The following ZC3H6 variants were observed in gnomAD, a reference collection of about 807,000 sequenced individuals.
ZC3H6 encodes zinc finger CCCH domain-containing protein 6.
A neutral mutation model predicts 107.7 loss-of-function variants in ZC3H6; 40 were observed. The observed-to-expected ratio is 0.37, with a 90% CI of 0.29 to 0.48. The LOEUF (loss-of-function observed/expected upper bound fraction) is 0.48. Ranked by LOEUF, ZC3H6 falls within the 20% of genes least tolerant of loss-of-function variation. The pLI, the probability that ZC3H6 is intolerant of heterozygous loss-of-function variation, is 0.98. For synonymous variants in ZC3H6, 493 were observed against 487.9 expected, an observed-to-expected ratio of 1.01 and a Z score of -0.14; for missense variants, 1,267 against 1,410.4, an observed-to-expected ratio of 0.90 and a Z score of 1.63.
chr2:112,318,447 T>C (rs940564601), intron 7 of ZC3H6, among the ~76,000 whole-genome samples: 3 of 152,174 alleles, frequency 2.0e-5, no homozygotes, highest in East Asian at 1.9e-4. Flanking sequence ...TTTCTAAACA[T>C]TGAGAAGAAA....
chr2:112,316,668 T>G (rs542680044), intron 6 of ZC3H6, 82 bp downstream of exon 6: 1 of 851,192 alleles, frequency 1.2e-6, no homozygotes, highest in South Asian at 1.9e-5. Flanking sequence ...ATGGTTAATT[T>G]TTTTCTCTTC....
chr2:112,321,368 G>GT (rs5833445), intron 7 of ZC3H6, among the ~76,000 whole-genome samples: 21,656 of 151,586 alleles, frequency 0.14, 1,684 homozygotes, highest in Non-Finnish European at 0.16. Context: ...AGTGATAAAT[G>GT]TTTTTTTTCC....
At chr2:112,315,032 G>T (rs1676671199) in intron 5 of ZC3H6, among the ~76,000 whole-genome samples, 4 of 152,108 alleles carry the variant, frequency 2.6e-5, no homozygotes. Context: ...GCAATCTCTT[G>T]TTTTCAGTAG....
chr2:112,276,057 C>T, intron 1 of ZC3H6, 31 bp downstream of exon 1: 1 of 1,536,578 alleles, frequency 6.5e-7, no homozygotes, highest in Non-Finnish European at 8.8e-7. Flanking sequence ...GTCTTTCTGT[C>T]GGATGAGAGG....
At chr2:112,298,866 A>T (rs12472760) in intron 1 of ZC3H6, among the ~76,000 whole-genome samples, 4,302 of 152,340 alleles carry the variant, frequency 0.028, 89 homozygotes, top group Middle Eastern at 0.085. Flanking sequence ...ATACTGATAC[A>T]GTATTTTTTA....
chr2:112,321,931 A>G (rs1316893483), intron 8 of ZC3H6, 66 bp downstream of exon 8: 7 of 688,890 alleles, frequency 1.0e-5, no homozygotes, highest in South Asian at 7.5e-5. Context: ...ATCATATTTT[A>G]TAAGTGATAT....
intron 1 of ZC3H6, among the ~76,000 whole-genome samples, chr2:112,286,673 A>G (rs1293297939): frequency 1.3e-5 from 2 of 152,224 alleles, no homozygotes; most frequent in East Asian, 3.8e-4. Context: ...TCCTGGGCTC[A>G]AGTGATCTGC....
chr2:112,317,464 C>A (rs1676720687), intron 7 of ZC3H6, 132 bp downstream of exon 7: 1 of 501,074 alleles, frequency 2.0e-6, no homozygotes, highest in Non-Finnish European at 3.5e-6. Context: ...ATTACATAAA[C>A]CCAGTCTAGT....
intron 3 of ZC3H6, among the ~76,000 whole-genome samples, chr2:112,303,696 C>T (rs528586431): frequency 2.0e-5 from 3 of 152,244 alleles, no homozygotes; most frequent in African/African-American, 7.2e-5. Context: ...AAAGTTCACC[C>T]AAGCTGTAGC....
At chr2:112,304,290 C>T (rs1676435777) in intron 3 of ZC3H6, among the ~76,000 whole-genome samples, 1 of 152,106 alleles carries the variant, frequency 6.6e-6, no homozygotes, top group African/African-American at 2.4e-5. Flanking sequence ...CAAAAGAATA[C>T]ATAATGTATT....
chr2:112,322,358 T>C (rs1223303069), intron 8 of ZC3H6, among the ~76,000 whole-genome samples: 8 of 140,406 alleles, frequency 5.7e-5, no homozygotes, highest in African/African-American at 2.1e-4. Flanking sequence ...CCCCTGCCCC[T>C]GGGGTCATCC....
intron 5 of ZC3H6, among the ~76,000 whole-genome samples, chr2:112,314,925 C>G (rs1676669101): frequency 1.3e-5 from 2 of 151,942 alleles, no homozygotes. Flanking sequence ...ATTCTTGTAC[C>G]TTTTTTAGAA....
chr2:112,293,117 TCA>T (rs897502802), intron 1 of ZC3H6, among the ~76,000 whole-genome samples: 20 of 152,222 alleles, frequency 1.3e-4, no homozygotes, highest in Non-Finnish European at 2.9e-5. Context: ...AAAGGAATTC[TCA>T]GTTATCTCTT....
rs59319982 is a variant in ZC3H6, at chr2:112,299,276, C to CAA, written c.33-557_33-556dup. 2.9e-3 allele frequency among the ~76,000 whole-genome samples: 341 copies of CAA among 116,494 alleles called. 7 individuals are homozygous for CAA. The highest frequency in any genetic ancestry group is 6.1e-3 in the African/African-American group (197 of 32,428). 76.4% of individuals were successfully genotyped at this position (116,494 alleles called of 152,430 possible). A position where few individuals can be genotyped will look rare whatever the true frequency, so the allele number is the denominator to read the frequency against. ...TGGGCGTCAGAGTGAGACTCCATCT[C>CAA]AAAAAAAAAAAAAAAAATTTAAGAA... On this transcript the variant is annotated intron_variant, in intron 1 of 11. Coordinates refer to ENST00000409871, the MANE Select transcript of ZC3H6 (RefSeq NM_198581.3).
chr2:112,299,995 A>G lies in ZC3H6; in HGVS notation c.179A>G (p.Lys60Arg), dbSNP rs748364411. Residue 60 changes from lysine to arginine, a missense_variant, in exon 2 of 12, where the codon AAA becomes AGA. Lys to Arg is a conservative substitution (Grantham distance 26, BLOSUM62 2). Around this residue, in one of 3 missense-constraint regions of ZC3H6, gnomAD observed 337 missense variants for 361.2 expected, o/e 0.93. Transcript: ENST00000409871. Reference sequence around the variant, plus strand: ...AAACATAAGAAAGAGAGAGAGAAGAAAAAATCCAAAAGGAGAAAACGTGAG... The same window carrying G: ...AAACATAAGAAAGAGAGAGAGAAGAGAAAATCCAAAAGGAGAAAACGTGAG... Reference protein sequence around the residue: ...RKKHKKEREKKKSKRRKREKH... With the variant: ...RKKHKKEREKRKSKRRKREKH... The G allele has an allele frequency of 5.8e-5, 86 of 1,482,140 alleles. No homozygotes were observed. Among genetic ancestry groups the G allele is most frequent in the Non-Finnish European group, 7.4e-5 (83 of 1,119,680 alleles). 91.8% of individuals were successfully genotyped at this position (1,482,140 alleles called of 1,614,324 possible). A position where few individuals can be genotyped will look rare whatever the true frequency, so the allele number is the denominator to read the frequency against.
chr2:112,304,217 A>C (rs1297724596), intron 3 of ZC3H6, among the ~76,000 whole-genome samples: 3 of 152,172 alleles, frequency 2.0e-5, no homozygotes, highest in Non-Finnish European at 4.4e-5. Context: ...GAAAAATTAA[A>C]CTTTCAATTT....
intron 7 of ZC3H6, among the ~76,000 whole-genome samples, chr2:112,320,954 G>T (rs1395573816): frequency 1.3e-5 from 2 of 151,912 alleles, no homozygotes; most frequent in Non-Finnish European, 2.9e-5. Context: ...TTACTAAGAG[G>T]ATTTTTTTAA....
intron 1 of ZC3H6, among the ~76,000 whole-genome samples, chr2:112,285,584 C>G (rs932968352): frequency 6.6e-6 from 1 of 151,806 alleles, no homozygotes; most frequent in African/African-American, 2.4e-5. Flanking sequence ...TCTCCAACTC[C>G]CAACCTCAAG....
chr2:112,276,326 G>GTCC (rs1408475769), intron 1 of ZC3H6, among the ~76,000 whole-genome samples: 2 of 151,062 alleles, frequency 1.3e-5, no homozygotes, highest in East Asian at 3.9e-4. Context: ...GGCTCTCAGC[G>GTCC]TCCCGGCTCG....
Sources: allele counts gnomAD v4.1 joint callset (sites outside exome capture counted in the v4.1 genomes callset), GRCh38; gene constraint gnomAD v4.1.1; regional missense constraint gnomAD v4.1.1; transcripts MANE v1.5; gene names NCBI Gene and HGNC (gene_info 2026-07-23, HGNC 2026-07-21).